The following HDC variants were observed in gnomAD, a reference collection of about 807,000 sequenced individuals.
HDC encodes histidine decarboxylase.
In HDC, 27 loss-of-function variants were observed where a neutral mutation model predicts 64.4. That is an observed-to-expected ratio of 0.42 (90% CI 0.31 to 0.58). The LOEUF (loss-of-function observed/expected upper bound fraction) is 0.58, where lower values mean the gene tolerates loss of function less well. Among genes scored for constraint, HDC ranks in the 20% least tolerant of loss-of-function variants. The pLI is 0.16. For missense variants in HDC, 711 were observed against 833.9 expected, an observed-to-expected ratio of 0.85 and a Z score of 1.81; for synonymous variants, 305 against 314.2, an observed-to-expected ratio of 0.97 and a Z score of 0.31.
At chr15:50,258,119 C>T (rs893137016) in intron 3 of HDC, among the ~76,000 whole-genome samples, 3 of 152,154 alleles carry the variant, frequency 2.0e-5, no homozygotes, top group Admixed American at 2.0e-4. Context: ...ATAACCAGAT[C>T]TGTATCCAAG....
intron 2 of HDC, among the ~76,000 whole-genome samples, chr15:50,262,178 G>A (rs911270252): frequency 6.6e-6 from 1 of 152,008 alleles, no homozygotes; most frequent in African/African-American, 2.4e-5. Flanking sequence ...AATGCTAGGG[G>A]CCCAGGCTTA....
In HDC at chr15:50,242,941, G is replaced by C; in HGVS notation, c.1308C>G (p.Ile436Met). ...TTAACTTGTCCTGGATAGTGGCCGGGATGAGGAAGAGACGGCCAGCTTTAG... is the reference window on the plus strand; with the variant it reads ...TTAACTTGTCCTGGATAGTGGCCGGCATGAGGAAGAGACGGCCAGCTTTAG... ...EIAKAGRLFL[I>M]PATIQDKLII... The change falls in exon 12 of 12, where the codon ATC (isoleucine) becomes ATG (methionine). Residue 436 changes from isoleucine (I) to methionine (M), a missense_variant. Physicochemically the swap from Ile to Met is conservative, Grantham distance 10 (BLOSUM62 1). Around this residue, in one of 3 missense-constraint regions of HDC, gnomAD observed 483 missense variants for 540.9 expected, o/e 0.89. Coordinates refer to ENST00000267845, the MANE Select transcript of HDC (RefSeq NM_002112.4). The C allele has an allele frequency of 1.9e-6, 3 of 1,613,952 alleles. No homozygotes were observed. Among genetic ancestry groups the C allele is most frequent in the Non-Finnish European group, 2.5e-6 (3 of 1,179,852 alleles).
At position 50,252,794 on chromosome 15, in the gene HDC, C is replaced by G. The variant is rs747824449; in HGVS notation, c.788-20G>C. ...GGGCACCTGAGGAGGCAAACATCAC[C>G]TGGCCGGAGGGGAGGTATGAAGTGG... On this transcript the variant is annotated intron_variant, in intron 7 of 11. Transcript: ENST00000267845. 11 of 1,605,050 alleles carry G rather than the reference C, an allele frequency of 6.9e-6. No homozygotes were observed. In the East Asian group the frequency reaches 2.5e-4, roughly 36 times the overall value.
Position 50,254,525 on chromosome 15 carries a change from C to T in HDC, c.576+5G>A. ...CGAAGGGCTGTCCTGCGTCGGGCAA[C>T]TCACCTGGTCAGAGGCATAGGCCAC... On this transcript the variant is annotated splice_donor_5th_base_variant and intron_variant, in intron 5 of 11. Transcript: ENST00000267845. 6.2e-7 allele frequency: 1 copy of T among 1,614,216 alleles called. No individual in the cohort carries two copies. The highest frequency in any genetic ancestry group is 1.1e-5 in the South Asian group (1 of 91,086).
rs1324400125 is a variant in HDC, at chr15:50,242,717, C to T, written c.1532G>A (p.Gly511Glu). The change falls in exon 12 of 12, where the codon GGG (glycine) becomes GAG (glutamate). Residue 511 changes from glycine (G) to glutamate (E), a missense_variant. Physicochemically the swap from Gly to Glu is moderately conservative, Grantham distance 98. Transcript: ENST00000267845. ...GGCCTGGACTGGATCATCTCCTGCC[C>T]CACTGACAGACTGAAGGGACGTTCC... ...ACGTSLQSVS[G>E]AGDDPVQARK... 3.7e-6 allele frequency: 6 copies of T among 1,614,080 alleles called. No individual in the cohort carries two copies. Among genetic ancestry groups the T allele is most frequent in the Non-Finnish European group, 5.1e-6 (6 of 1,180,006 alleles).
At chr15:50,246,554 G>A (rs961845149) in intron 10 of HDC, among the ~76,000 whole-genome samples, 4 of 152,198 alleles carry the variant, frequency 2.6e-5, no homozygotes, top group African/African-American at 4.8e-5. Flanking sequence ...TGAGCATGAG[G>A]TCTGGATGGG....
At chr15:50,243,702 T>G (rs902038014) in intron 10 of HDC, among the ~76,000 whole-genome samples, 3 of 152,238 alleles carry the variant, frequency 2.0e-5, no homozygotes, top group Non-Finnish European at 2.9e-5. Context: ...CCATATGGGC[T>G]AGTGGCGGCC....
At chr15:50,261,712 CT>C (rs140597386) in intron 2 of HDC, among the ~76,000 whole-genome samples, 36,520 of 140,058 alleles carry the variant, frequency 0.26, 4,423 homozygotes, top group Middle Eastern at 0.32. Flanking sequence ...ATTTTTGTCA[CT>C]TTTTTTTTTT....
chr15:50,261,940 C>T (rs1595712058), intron 2 of HDC, among the ~76,000 whole-genome samples: 1 of 152,212 alleles, frequency 6.6e-6, no homozygotes, highest in Middle Eastern at 3.4e-3. Context: ...AACTCCCGAC[C>T]TCAGGTGATC....
chr15:50,264,794 T>G (rs2045746902), intron 1 of HDC, among the ~76,000 whole-genome samples: 1 of 152,186 alleles, frequency 6.6e-6, no homozygotes, highest in African/African-American at 2.4e-5. Flanking sequence ...TCTGCTCCCC[T>G]TCAACCCTCT....
At chr15:50,253,207 T>C (rs2045581822) in intron 7 of HDC, 2 of 371,962 alleles carry the variant, frequency 5.4e-6, no homozygotes, top group South Asian at 5.1e-5. Flanking sequence ...ATCTCTCCCA[T>C]GATTTCCCCT....
Position 50,248,137 on chromosome 15 carries a change from C to A in HDC, c.1140+108G>T. 1 of 771,456 alleles carries A rather than the reference C, an allele frequency of 1.3e-6. No individual in the cohort carries two copies. The highest frequency in any genetic ancestry group is 1.5e-5 in the South Asian group (1 of 68,554). 47.8% of individuals were successfully genotyped at this position (771,456 alleles called of 1,614,324 possible). On this transcript the variant is annotated intron_variant, in intron 10 of 11. Transcript: ENST00000267845. The surrounding 1 kb of genome is among the most constrained non-coding windows in gnomAD (Gnocchi z 4.3). ...GAGGAACAGGCCCAGACACCTGAAC[C>A]ACACACCGCAAGTCTCCTAGGCAGA...
In HDC at chr15:50,256,688, G is replaced by A. The variant is rs188503214; in HGVS notation, c.441+737C>T. 1.6e-3 allele frequency among the ~76,000 whole-genome samples: 241 copies of A among 152,240 alleles called. 2 individuals are homozygous for A. The highest frequency in any genetic ancestry group is 0.016 in the South Asian group (75 of 4,818). The stretch of plus-strand genomic sequence containing the variant: ...GGGGTGAGTCACCATGTCCAGCCAC[G>A]ATTTTTATTTAAAAAAAGAATTCAT... On this transcript the variant is annotated intron_variant, in intron 4 of 11. Coordinates refer to ENST00000267845, the MANE Select transcript of HDC (RefSeq NM_002112.4).
intron 4 of HDC, among the ~76,000 whole-genome samples, chr15:50,255,634 A>AAAAAAAC (rs1194632665): frequency 1.3e-5 from 2 of 152,066 alleles, no homozygotes; most frequent in Non-Finnish European, 2.9e-5. Context: ...TGTCTCTACA[A>AAAAAAAC]AAAAAACAAA....
At chr15:50,244,691 C>G (rs2045454343) in intron 10 of HDC, 1 of 152,256 alleles carries the variant, frequency 6.6e-6, no homozygotes, top group African/African-American at 2.4e-5. Flanking sequence ...CAGTTTCAAA[C>G]AGCACAGGAG....
At chr15:50,247,604 A>T (rs2140927601) in intron 10 of HDC, among the ~76,000 whole-genome samples, 1 of 152,326 alleles carries the variant, frequency 6.6e-6, no homozygotes, top group South Asian at 2.1e-4. Context: ...GAACAATGCC[A>T]GTGGCCAGAG....
intron 2 of HDC, among the ~76,000 whole-genome samples, chr15:50,261,193 A>T (rs1453373109): frequency 6.6e-6 from 1 of 152,224 alleles, no homozygotes; most frequent in African/African-American, 2.4e-5. Flanking sequence ...AAGAGCCCTT[A>T]TCAAAAACAA....
intron 11 of HDC, 41 bp from the exon 12 acceptor site, chr15:50,243,047 C>G (rs369380521): frequency 1.1e-5 from 18 of 1,614,084 alleles, no homozygotes; most frequent in Non-Finnish European, 1.2e-5. Context: ...CATCGCACCC[C>G]CTGTCAGCAT....
chr15:50,249,829 T>G (rs1222056163), intron 9 of HDC, among the ~76,000 whole-genome samples: 1 of 152,268 alleles, frequency 6.6e-6, no homozygotes, highest in Non-Finnish European at 1.5e-5. Context: ...GATTTTATTT[T>G]GATTTCTTCA....
Sources: allele counts gnomAD v4.1 joint callset (sites outside exome capture counted in the v4.1 genomes callset), GRCh38; gene constraint gnomAD v4.1.1; regional missense constraint gnomAD v4.1.1; non-coding constraint Gnocchi (gnomAD v3.1); transcripts MANE v1.5; gene names NCBI Gene and HGNC (gene_info 2026-07-23, HGNC 2026-07-21).